BBS9: variants seen among roughly 807,000 people sequenced by gnomAD.
BBS9 encodes protein PTHB1.
A neutral mutation model predicts 117.7 loss-of-function variants in BBS9; 89 were observed. The observed-to-expected ratio is 0.76, with a 90% CI of 0.64 to 0.90. The LOEUF (loss-of-function observed/expected upper bound fraction) is 0.90, where lower values mean the gene tolerates loss of function less well. Ranked by LOEUF, BBS9 falls within the 40% of genes least tolerant of loss-of-function variation. The pLI is 0.00. For missense variants in BBS9, 982 were observed against 1,042.2 expected (o/e 0.94, Z 0.80); for synonymous variants, 379 against 370.9 (o/e 1.02, Z -0.25).
chr7:33,308,756 GT>G (rs1808551583), intron 9 of BBS9, among the ~76,000 whole-genome samples: 1 of 152,150 alleles, frequency 6.6e-6, no homozygotes, highest in Non-Finnish European at 1.5e-5. Context: ...TATGAACAGT[GT>G]TTTAAAAATA....
intron 9 of BBS9, among the ~76,000 whole-genome samples, chr7:33,315,199 G>A (rs1252421363): frequency 6.6e-6 from 1 of 152,122 alleles, no homozygotes; most frequent in Non-Finnish European, 1.5e-5. Context: ...GTGTCAACAG[G>A]GCTGGTTTCC....
At chr7:33,497,880 C>G (rs1211076375) in intron 19 of BBS9, among the ~76,000 whole-genome samples, 2 of 152,086 alleles carry the variant, frequency 1.3e-5, no homozygotes, top group Non-Finnish European at 2.9e-5. Context: ...TAGACTGCCT[C>G]AAACAGAAGA....
At chr7:33,403,307 AT>A (rs1238364324) in intron 19 of BBS9, among the ~76,000 whole-genome samples, 30 of 137,630 alleles carry the variant, frequency 2.2e-4, no homozygotes, top group South Asian at 1.2e-3. Context: ...GTTTTACTTT[AT>A]TTTTTTTTAT....
At chr7:33,505,176 A>C (rs1845964047) in intron 19 of BBS9, among the ~76,000 whole-genome samples, 1 of 152,214 alleles carries the variant, frequency 6.6e-6, no homozygotes, top group Non-Finnish European at 1.5e-5. Context: ...TATTGAAGAA[A>C]GTCAATAGAT....
chr7:33,314,408 C>A, intron 9 of BBS9: 1 of 288,232 alleles, frequency 3.5e-6, no homozygotes. Flanking sequence ...CTATTATTTG[C>A]ATAGTCTTTT....
intron 5 of BBS9, among the ~76,000 whole-genome samples, chr7:33,218,075 A>T (rs1264479475): frequency 6.6e-6 from 1 of 152,154 alleles, no homozygotes; most frequent in East Asian, 1.9e-4. Flanking sequence ...CCTCCCTAAA[A>T]AAGCAAAATA....
chr7:33,313,275 A>T (rs1028056282), intron 9 of BBS9, among the ~76,000 whole-genome samples: 2 of 150,842 alleles, frequency 1.3e-5, no homozygotes, highest in African/African-American at 4.9e-5. Flanking sequence ...CCTTGAGGGG[A>T]ATGACCAGTG....
intron 19 of BBS9, among the ~76,000 whole-genome samples, chr7:33,425,613 G>C (rs2128867309): frequency 6.6e-6 from 1 of 152,278 alleles, no homozygotes; most frequent in East Asian, 1.9e-4. Flanking sequence ...GATGGATGCT[G>C]TGTCGAAATG....
chr7:33,266,355 G>T (rs997195005), intron 7 of BBS9, among the ~76,000 whole-genome samples: 3 of 152,078 alleles, frequency 2.0e-5, no homozygotes, highest in Admixed American at 1.3e-4. Flanking sequence ...AGATAGTTGT[G>T]GGAAGTCATT....
chr7:33,526,991 G>A (rs1849627653), intron 20 of BBS9, among the ~76,000 whole-genome samples: 1 of 149,112 alleles, frequency 6.7e-6, no homozygotes, highest in Non-Finnish European at 1.5e-5. Flanking sequence ...CTGCAGGTCT[G>A]TTGCAATACC....
chr7:33,505,341 T>C, intron 19 of BBS9, 122 bp from the exon 20 acceptor site: 1 of 933,762 alleles, frequency 1.1e-6, no homozygotes, highest in South Asian at 1.3e-5. Flanking sequence ...ACATAGCTTG[T>C]GTTTGTGGAA....
At chr7:33,531,624 T>C (rs1231003996) in intron 20 of BBS9, among the ~76,000 whole-genome samples, 2 of 152,212 alleles carry the variant, frequency 1.3e-5, no homozygotes, top group African/African-American at 4.8e-5. Context: ...ATGTTTATTC[T>C]GGAGGAGAGG....
At chr7:33,454,605 A>C (rs1043030749) in intron 19 of BBS9, among the ~76,000 whole-genome samples, 22 of 152,250 alleles carry the variant, frequency 1.4e-4, no homozygotes, top group Middle Eastern at 6.3e-3. Context: ...TGGGATTATC[A>C]TGATTGGCTC....
intron 1 of BBS9, among the ~76,000 whole-genome samples, chr7:33,131,097 A>G (rs2128047050): frequency 6.6e-6 from 1 of 152,244 alleles, no homozygotes; most frequent in East Asian, 1.9e-4. Context: ...AGTGATTACT[A>G]TCAGTCTTTG....
intron 5 of BBS9, among the ~76,000 whole-genome samples, chr7:33,246,296 GTT>G (rs746352875): frequency 4.3e-5 from 6 of 139,104 alleles, no homozygotes; most frequent in Non-Finnish European, 7.9e-5. Context: ...GGCTTTAGTT[GTT>G]TTTTTTTTTT....
intron 7 of BBS9, 133 bp from the exon 8 acceptor site, chr7:33,272,879 A>C: frequency 1.1e-6 from 1 of 891,582 alleles, no homozygotes; most frequent in Non-Finnish European, 1.8e-6. Context: ...AAAAGAATAA[A>C]GAAATGAAAG....
chr7:33,236,974 A>T (rs1286696882), intron 5 of BBS9, among the ~76,000 whole-genome samples: 1 of 152,114 alleles, frequency 6.6e-6, no homozygotes, highest in African/African-American at 2.4e-5. Flanking sequence ...AATTAATTTA[A>T]TCAGTCATCT....
At chr7:33,605,162 T>C in intron 22 of BBS9, 33 bp from the exon 23 acceptor site, 1 of 1,593,028 alleles carries the variant, frequency 6.3e-7, no homozygotes, top group South Asian at 1.1e-5. Flanking sequence ...AGATCTTTTC[T>C]CTCTCTTTCT....
At chr7:33,219,141 C>T (rs1789673160) in intron 5 of BBS9, among the ~76,000 whole-genome samples, 1 of 152,206 alleles carries the variant, frequency 6.6e-6, no homozygotes, top group African/African-American at 2.4e-5. Context: ...GGAGGGTATA[C>T]TGGGTCCCCC....
Sources: allele counts gnomAD v4.1 joint callset (sites outside exome capture counted in the v4.1 genomes callset), GRCh38; gene constraint gnomAD v4.1.1; transcripts MANE v1.5; gene names NCBI Gene and HGNC (gene_info 2026-07-23, HGNC 2026-07-21).